The following HERC1 variants were observed in gnomAD, a reference collection of about 807,000 sequenced individuals.
HERC1 encodes the protein probable E3 ubiquitin-protein ligase HERC1.
A neutral mutation model predicts 554.3 loss-of-function variants in HERC1; 160 were observed. That is an observed-to-expected ratio of 0.29 (90% CI 0.25 to 0.33). HERC1 has a LOEUF of 0.33. HERC1 is among the 10% of genes least tolerant of loss of function. The probability of loss-of-function intolerance (pLI) is 1.00; values close to 1 mark genes in which losing one functional copy is unlikely to be tolerated. For missense variants in HERC1, 4,919 were observed against 5,918.5 expected (o/e 0.83, Z 5.54); for synonymous variants, 2,175 against 2,131.7 (o/e 1.02, Z -0.56).
intron 25 of HERC1, among the ~76,000 whole-genome samples, 178 bp downstream of exon 25, chr15:63,706,602 G>A (rs955701790): frequency 3.3e-5 from 5 of 151,778 alleles, no homozygotes; most frequent in South Asian, 2.1e-4. Flanking sequence ...AATAGTCTTC[G>A]TTTTAACTCT....
chr15:63,748,619 G>A (rs1451334255), intron 10 of HERC1, among the ~76,000 whole-genome samples: 2 of 152,176 alleles, frequency 1.3e-5, no homozygotes, highest in African/African-American at 4.8e-5. Context: ...GGAAGTTGGA[G>A]ATGTAATGCT....
At position 63,659,811 on chromosome 15, in the gene HERC1, C is replaced by T; in HGVS notation, c.9349G>A (p.Asp3117Asn). The T allele has an allele frequency of 6.2e-7, 1 of 1,613,944 alleles. No individual in the cohort carries two copies. Among genetic ancestry groups the T allele is most frequent in the South Asian group, 1.1e-5 (1 of 91,074 alleles). ...RIVPEPVQFP[D>N]SDPLGASVAM... ...ACTGATGCTCCCAGTGGATCGCTGTCAGGGAACTGAACTGGTTCTGGTACA... is the reference window on the plus strand; with the variant it reads ...ACTGATGCTCCCAGTGGATCGCTGTTAGGGAACTGAACTGGTTCTGGTACA... The change falls in exon 47 of 78, where the codon GAC becomes AAC. Residue 3117 changes from aspartate to asparagine, a missense_variant. Physicochemically the swap from Asp to Asn is conservative, Grantham distance 23. This residue lies in a region of HERC1 where 1,963 missense variants were observed against 2,228.6 expected (regional missense o/e 0.88). Transcript: ENST00000443617.
Position 63,634,858 on chromosome 15 carries a change from C to G in HERC1, c.12445G>C (p.Val4149Leu), listed in dbSNP as rs771377270. ...GTGAACAGTTTGCCATCTGAAGTGA[C>G]CACTGCTGAGTGCTTGAAGCCACAA... Reference protein sequence around the residue: ...MSCGFKHSAVVTSDGKLFTFG... With the variant: ...MSCGFKHSAVLTSDGKLFTFG... The change falls in exon 66 of 78, where the codon GTC (valine) becomes CTC (leucine). Residue 4149 changes from valine (V) to leucine (L), a missense_variant. Physicochemically the swap from Val to Leu is conservative, Grantham distance 32. Around this residue, in one of 11 missense-constraint regions of HERC1, gnomAD observed 410 missense variants for 467.0 expected, o/e 0.88. Coordinates refer to ENST00000443617, the MANE Select transcript of HERC1 (RefSeq NM_003922.4). 1.2e-6 allele frequency: 2 copies of G among 1,613,582 alleles called. No individual in the cohort carries two copies. Among genetic ancestry groups the G allele is most frequent in the Non-Finnish European group, 1.7e-6 (2 of 1,179,690 alleles).
chr15:63,672,911 T>C (rs990444872), intron 38 of HERC1, among the ~76,000 whole-genome samples: 5 of 152,200 alleles, frequency 3.3e-5, no homozygotes, highest in Admixed American at 6.5e-5. Context: ...ACAGACAGTA[T>C]TGTAATGAGC....
intron 46 of HERC1, among the ~76,000 whole-genome samples, chr15:63,660,304 A>C (rs781322418): frequency 6.6e-6 from 1 of 152,186 alleles, no homozygotes; most frequent in Non-Finnish European, 1.5e-5. Context: ...TGGACAACAG[A>C]GTGAGACTCC....
chr15:63,612,603 G>A lies in HERC1; in HGVS notation c.14095-47C>T, dbSNP rs771931700. ...CATTCAATGAGTGTGCGTGAACCTGGCACCCACCAAGGGCCCTGTGGGGCT... is the reference window on the plus strand; with the variant it reads ...CATTCAATGAGTGTGCGTGAACCTGACACCCACCAAGGGCCCTGTGGGGCT... On this transcript the variant is annotated intron_variant, in intron 76 of 77. Coordinates refer to ENST00000443617, the MANE Select transcript of HERC1 (RefSeq NM_003922.4). This position sits in a 1 kb window ranked among gnomAD's most constrained non-coding sequence, Gnocchi z 5.0. 2 of 1,569,942 alleles carry A rather than the reference G, an allele frequency of 1.3e-6. No homozygotes were observed. Among genetic ancestry groups the A allele is most frequent in the Non-Finnish European group, 1.7e-6 (2 of 1,154,700 alleles).
chr15:63,793,639 T>C (rs1359095678), intron 1 of HERC1, among the ~76,000 whole-genome samples: 2 of 152,214 alleles, frequency 1.3e-5, no homozygotes, highest in Non-Finnish European at 1.5e-5. Context: ...CATTCTTTAT[T>C]CCTTTACTTT....
intron 59 of HERC1, among the ~76,000 whole-genome samples, chr15:63,642,085 C>T (rs1449499756): frequency 2.6e-5 from 4 of 152,070 alleles, no homozygotes; most frequent in African/African-American, 7.2e-5. Flanking sequence ...GCAGTAGAAC[C>T]TTTCATGAAG....
At position 63,775,598 on chromosome 15, in the gene HERC1, T is replaced by G; in HGVS notation, c.26A>C (p.Lys9Thr). MATMIPPV[K>T]LKWLEHLNSS... is the part of the protein sequence containing the mutation. ...GTTCAAGTGTTCAAGCCATTTCAGC[T>G]TCACTGGTGGAATCATAGTTGCCAT... Residue 9 changes from lysine (K) to threonine (T), a missense_variant, in exon 2 of 78, where the codon AAG (lysine) becomes ACG (threonine). Lys to Thr is a moderately conservative substitution (Grantham distance 78). Transcript: ENST00000443617. The surrounding 1 kb of genome is among the most constrained non-coding windows in gnomAD (Gnocchi z 4.0). 6.2e-7 allele frequency: 1 copy of G among 1,603,416 alleles called. No homozygotes were observed. Among genetic ancestry groups the G allele is most frequent in the Non-Finnish European group, 8.5e-7 (1 of 1,175,680 alleles).
At chr15:63,670,794 C>A (rs2070871962) in intron 39 of HERC1, among the ~76,000 whole-genome samples, 1 of 152,056 alleles carries the variant, frequency 6.6e-6, no homozygotes, top group Non-Finnish European at 1.5e-5. Flanking sequence ...GTGGCTCACA[C>A]CTGTAATACC....
intron 12 of HERC1, among the ~76,000 whole-genome samples, chr15:63,746,337 C>T (rs977903359): frequency 1.3e-5 from 2 of 151,970 alleles, no homozygotes; most frequent in Non-Finnish European, 2.9e-5. Flanking sequence ...CTATTATTAC[C>T]TACCAAAAGA....
chr15:63,662,471 C>A (rs948241318), intron 44 of HERC1, among the ~76,000 whole-genome samples: 12 of 152,142 alleles, frequency 7.9e-5, no homozygotes, highest in Non-Finnish European at 1.8e-4. Flanking sequence ...TTTTTGGTCT[C>A]CCTACTACAA....
At chr15:63,626,793 A>G (rs1462259725) in intron 70 of HERC1, among the ~76,000 whole-genome samples, 1 of 152,252 alleles carries the variant, frequency 6.6e-6, no homozygotes, top group East Asian at 1.9e-4. Flanking sequence ...AGACTGGTAC[A>G]GTGCAATTCC....
chr15:63,716,600 T>A, intron 21 of HERC1, 127 bp from the exon 22 acceptor site: 1 of 700,602 alleles, frequency 1.4e-6, no homozygotes, highest in South Asian at 2.2e-5. Flanking sequence ...TGAACTTTAC[T>A]ACAAAAACCC....
At chr15:63,697,943 C>A (rs1464139959) in intron 26 of HERC1, among the ~76,000 whole-genome samples, 1 of 152,136 alleles carries the variant, frequency 6.6e-6, no homozygotes, top group Non-Finnish European at 1.5e-5. Context: ...GTTAAAACCA[C>A]AATAATTAAT....
intron 1 of HERC1, among the ~76,000 whole-genome samples, chr15:63,820,494 T>C (rs557173613): frequency 1.3e-5 from 2 of 152,200 alleles, no homozygotes; most frequent in African/African-American, 4.8e-5. Flanking sequence ...TTATTTCCAA[T>C]GCTATCAGTT....
At chr15:63,687,897 G>T (rs1456078600) in intron 33 of HERC1, among the ~76,000 whole-genome samples, 1 of 152,158 alleles carries the variant, frequency 6.6e-6, no homozygotes, top group Non-Finnish European at 1.5e-5. Context: ...GAATGAGCAG[G>T]ATTACTGTGT....
chr15:63,652,139 C>G (rs2069723049), intron 52 of HERC1, among the ~76,000 whole-genome samples: 1 of 152,134 alleles, frequency 6.6e-6, no homozygotes, highest in South Asian at 2.1e-4. Flanking sequence ...TCTTAAAGAC[C>G]TATAGCAAAT....
chr15:63,665,891 A>G, intron 42 of HERC1, 28 bp downstream of exon 42: 2 of 1,554,978 alleles, frequency 1.3e-6, no homozygotes, highest in Non-Finnish European at 1.8e-6. Context: ...TAACACATGG[A>G]ACAAAAGTAC....
Sources: gnomAD v4.1 joint callset for allele counts (sites outside exome capture counted in the v4.1 genomes callset) on GRCh38, gnomAD v4.1.1 for gene constraint, gnomAD v4.1.1 regional missense constraint, Gnocchi (gnomAD v3.1) non-coding constraint, MANE v1.5 for transcripts, NCBI Gene and HGNC (gene_info 2026-07-23, HGNC 2026-07-21) for gene names.